The following TMEM254 variants were observed in gnomAD, a reference collection of about 807,000 sequenced individuals.
The protein encoded by TMEM254 is transmembrane protein 254, also known as transmembrane protein C10orf57.
In TMEM254, 16 loss-of-function variants were observed where a neutral mutation model predicts 13.9. That is an observed-to-expected ratio of 1.15 (90% CI 0.78 to 1.75). The LOEUF is 1.75. Ranked by LOEUF, TMEM254 falls within the 40% of genes most tolerant of loss-of-function variation. TMEM254 has a pLI of 0.00. For missense variants in TMEM254, 155 were observed against 149.0 expected (o/e 1.04, Z -0.21); for synonymous variants, 61 against 56.4 (o/e 1.08, Z -0.36).
chr10:80,090,051 A>G (rs1219306843), intron 3 of TMEM254, among the ~76,000 whole-genome samples: 3 of 151,060 alleles, frequency 2.0e-5, no homozygotes, highest in African/African-American at 7.3e-5. Context: ...TTCTGCATTT[A>G]TTAAGATATT....
At chr10:80,083,064 A>G (rs961929586) in intron 3 of TMEM254, among the ~76,000 whole-genome samples, 18 of 146,866 alleles carry the variant, frequency 1.2e-4, no homozygotes, top group African/African-American at 4.3e-4. Flanking sequence ...AAATAGAATG[A>G]TCTTACTCTG....
intron 1 of TMEM254, chr10:80,079,303 C>G (rs943645459): frequency 8.3e-7 from 1 of 1,203,076 alleles, no homozygotes; most frequent in Non-Finnish European, 1.1e-6. Context: ...GTCTCGGTTA[C>G]TCATGTAAGC....
chr10:80,081,612 G>A (rs766385035), intron 1 of TMEM254: 2 of 1,401,258 alleles, frequency 1.4e-6, no homozygotes, highest in Admixed American at 2.3e-5. Context: ...AGGCTGCAGT[G>A]AGTCATGATC....
intron 3 of TMEM254, among the ~76,000 whole-genome samples, chr10:80,083,604 T>C (rs927220161): frequency 2.6e-5 from 4 of 152,206 alleles, no homozygotes; most frequent in African/African-American, 7.2e-5. Flanking sequence ...AACTATAAAC[T>C]TTCTTCTAAT....
chr10:80,090,671 C>T (rs1844537393), intron 3 of TMEM254, 126 bp from the exon 4 acceptor site: 4 of 838,408 alleles, frequency 4.8e-6, no homozygotes, highest in African/African-American at 3.5e-5. Flanking sequence ...CAGAGAAAAG[C>T]AGCAAAATAA....
rs1844549052 is a variant in TMEM254 at position 80,090,858 on chromosome 10, G to A, written c.313G>A (p.Gly105Arg). 4 of 1,613,972 alleles carry A rather than the reference G, an allele frequency of 2.5e-6. No individual in the cohort carries two copies. The highest frequency in any genetic ancestry group is 3.4e-6 in the Non-Finnish European group (4 of 1,180,012). ...LLWFLQTFFF[G>R]IASLTILIAY... ...CTGGTTCCTACAGACTTTCTTCTTT[G>A]GGATAGCGTCTCTCACCATCTTGAT... is the stretch of plus-strand genomic sequence containing the variant. Residue 105 changes from glycine to arginine, a missense_variant, in exon 4 of 4, where the codon GGG (glycine) becomes AGG (arginine). Gly to Arg is a moderately radical substitution (Grantham distance 125, BLOSUM62 -2). Coordinates refer to ENST00000372281, the MANE Select transcript of TMEM254 (RefSeq NM_025125.4).
chr10:80,088,118 C>T (rs932604181), intron 3 of TMEM254, among the ~76,000 whole-genome samples: 1 of 152,068 alleles, frequency 6.6e-6, no homozygotes, highest in Non-Finnish European at 1.5e-5. Context: ...TTGAGACATT[C>T]AGTCTTCACT....
At chr10:80,085,350 A>G (rs1844260687) in intron 3 of TMEM254, among the ~76,000 whole-genome samples, 1 of 151,988 alleles carries the variant, frequency 6.6e-6, no homozygotes, top group Admixed American at 6.6e-5. Flanking sequence ...ACCTGAGGTC[A>G]GGAGTTCGAG....
In TMEM254 at chr10:80,090,216, C is replaced by CT. The variant is rs200412175; in HGVS notation, c.252-573dup. On this transcript the variant is annotated intron_variant, in intron 3 of 3. Coordinates refer to ENST00000372281, the MANE Select transcript of TMEM254 (RefSeq NM_025125.4). ...AAGCCATTCCCTTCCATTGGGTCAT[C>CT]TTTTTTTTGCACTTCATTTTAGGCA... 8.5e-3 allele frequency among the ~76,000 whole-genome samples: 1,298 copies of CT among 151,880 alleles called. 14 individuals are homozygous for CT. Among genetic ancestry groups the CT allele is most frequent in the Non-Finnish European group, 0.014 (922 of 67,930 alleles).
At position 80,092,096 on chromosome 10, in the gene TMEM254, T is replaced by A. The variant is rs1351938477; in HGVS notation, c.*1179T>A. 6.6e-6 allele frequency: 1 copy of A among 152,218 alleles called. No individual in the cohort carries two copies. The highest frequency in any genetic ancestry group is 1.5e-5 in the Non-Finnish European group (1 of 68,046). 9.4% of individuals were successfully genotyped at this position (152,218 alleles called of 1,614,324 possible). ...TCACAGGCTGGGGAGGCAGAATGAC[T>A]CTGTCACCACTAGGAGCCATTAGGG... On this transcript the variant is annotated 3_prime_UTR_variant, in exon 4 of 4. Coordinates refer to ENST00000372281, the MANE Select transcript of TMEM254 (RefSeq NM_025125.4).
chr10:80,087,032 G>A (rs1329273026), intron 3 of TMEM254, among the ~76,000 whole-genome samples: 1 of 151,910 alleles, frequency 6.6e-6, no homozygotes, highest in African/African-American at 2.4e-5. Flanking sequence ...GAGCACCTGT[G>A]CTCAAGTGAT....
intron 3 of TMEM254, among the ~76,000 whole-genome samples, chr10:80,089,866 G>A (rs1402800604): frequency 2.0e-5 from 3 of 151,850 alleles, no homozygotes; most frequent in Non-Finnish European, 4.4e-5. Context: ...TTAGCCAGGC[G>A]TGGTGGCGGG....
chr10:80,087,520 G>A (rs899132990), intron 3 of TMEM254, among the ~76,000 whole-genome samples: 2 of 151,796 alleles, frequency 1.3e-5, no homozygotes, highest in African/African-American at 4.8e-5. Context: ...GGGCGTGGTA[G>A]CGGGCACCTG....
chr10:80,089,936 C>T (rs1413802041), intron 3 of TMEM254, among the ~76,000 whole-genome samples: 1 of 148,026 alleles, frequency 6.8e-6, no homozygotes, highest in Admixed American at 6.9e-5. Flanking sequence ...ACCCGGGAGG[C>T]AGAGCTTGCA....
chr10:80,087,928 GT>G (rs1334493130), intron 3 of TMEM254, among the ~76,000 whole-genome samples: 1 of 149,438 alleles, frequency 6.7e-6, no homozygotes, highest in Non-Finnish European at 1.5e-5. Flanking sequence ...ATAAACAGAA[GT>G]TTATCAATGT....
chr10:80,090,790 GT>G lies in TMEM254; in HGVS notation c.252-3del, dbSNP rs1564574994. ...CTCGTGTTTAAATTTTGTTTTTTCTGTTTTAGGCATAAAGGCATCACAAGTG... is the reference window on the plus strand; with the variant it reads ...CTCGTGTTTAAATTTTGTTTTTTCTGTTTAGGCATAAAGGCATCACAAGTG... On this transcript the variant is annotated splice_region_variant and splice_polypyrimidine_tract_variant and intron_variant, in intron 3 of 3. Coordinates refer to ENST00000372281, the MANE Select transcript of TMEM254 (RefSeq NM_025125.4). 1 of 1,607,734 alleles carries G rather than the reference GT, an allele frequency of 6.2e-7. No homozygotes were observed.
Position 80,090,711 on chromosome 10 carries a change from TA to T in TMEM254, c.252-80del, listed in dbSNP as rs1254934453. The T allele has an allele frequency of 2.4e-5, 31 of 1,311,318 alleles. No homozygotes were observed. In the South Asian group the frequency reaches 3.1e-4, roughly 13 times the overall value. 81.2% of individuals were successfully genotyped at this position (1,311,318 alleles called of 1,614,324 possible). A position where few individuals can be genotyped will look rare whatever the true frequency, so the allele number is the denominator to read the frequency against. On this transcript the variant is annotated intron_variant, in intron 3 of 3. Transcript: ENST00000372281. ...AATGAAAGTAGTGGAAGGTATAATT[TA>T]AAAAATATATATATAGAAGACAATA...
At chr10:80,079,569 A>G in intron 1 of TMEM254, 3 of 1,004,870 alleles carry the variant, frequency 3.0e-6, no homozygotes, top group Non-Finnish European at 3.6e-6. Context: ...GGGAGGATAA[A>G]GAGGCTATAA....
intron 3 of TMEM254, among the ~76,000 whole-genome samples, chr10:80,084,866 G>T (rs763121896): frequency 6.6e-6 from 1 of 151,424 alleles, no homozygotes; most frequent in South Asian, 2.1e-4. Context: ...TCGCTCTGTC[G>T]CCAGGCTGGA....
Sources: gnomAD v4.1 joint callset for allele counts (sites outside exome capture counted in the v4.1 genomes callset) on GRCh38, gnomAD v4.1.1 for gene constraint, MANE v1.5 for transcripts, NCBI Gene and HGNC (gene_info 2026-07-23, HGNC 2026-07-21) for gene names.